Variants in RBMS1 observed in about 807,000 individuals in gnomAD.
RBMS1 encodes the protein RNA binding motif single stranded interacting protein 1, also known as RNA-binding motif, single-stranded-interacting protein 1.
Under a neutral mutation model 62.3 loss-of-function variants are expected in RBMS1, and 17 were observed. The observed-to-expected ratio is 0.27, with a 90% CI of 0.19 to 0.41. The LOEUF (loss-of-function observed/expected upper bound fraction) is 0.41, where lower values mean the gene tolerates loss of function less well. RBMS1 is among the 10% of genes least tolerant of loss of function. The pLI is 1.00. For missense variants in RBMS1, 334 were observed against 504.5 expected, an observed-to-expected ratio of 0.66 and a Z score of 3.24; for synonymous variants, 172 against 170.0, an observed-to-expected ratio of 1.01 and a Z score of -0.09.
chr2:160,369,899 T>C (rs72974965), intron 1 of RBMS1, among the ~76,000 whole-genome samples: 4,579 of 152,196 alleles, frequency 0.03, 128 homozygotes, highest in Middle Eastern at 0.065. Flanking sequence ...GACATGAAAG[T>C]AGTAGGTTTT....
intron 4 of RBMS1, among the ~76,000 whole-genome samples, chr2:160,312,275 A>AG (rs1442262493): frequency 6.6e-6 from 1 of 152,210 alleles, no homozygotes; most frequent in Admixed American, 6.5e-5. Context: ...TAATGCAAAG[A>AG]GAAGGACACA....
intron 2 of RBMS1, among the ~76,000 whole-genome samples, chr2:160,319,679 G>A (rs1690445048): frequency 6.6e-6 from 1 of 151,992 alleles, no homozygotes; most frequent in Non-Finnish European, 1.5e-5. Context: ...ATGATTTTGA[G>A]GACAAAAAGC....
chr2:160,350,700 T>A (rs1193300791), intron 2 of RBMS1, among the ~76,000 whole-genome samples: 3 of 152,172 alleles, frequency 2.0e-5, no homozygotes, highest in Non-Finnish European at 2.9e-5. Flanking sequence ...AGCAGACGGC[T>A]GCATAGTATT....
chr2:160,332,959 CAT>C (rs749639579), intron 2 of RBMS1, among the ~76,000 whole-genome samples: 34 of 151,648 alleles, frequency 2.2e-4, no homozygotes, highest in Non-Finnish European at 4.1e-4. Flanking sequence ...CACATACACT[CAT>C]ATGTGCATAT....
chr2:160,459,183 C>A (rs1217988969), intron 1 of RBMS1, among the ~76,000 whole-genome samples: 2 of 152,126 alleles, frequency 1.3e-5, no homozygotes, highest in African/African-American at 2.4e-5. Flanking sequence ...CATGTAAATT[C>A]ATGCTTTATT....
intron 1 of RBMS1, among the ~76,000 whole-genome samples, chr2:160,449,756 C>T (rs567011466): frequency 5.9e-5 from 9 of 152,194 alleles, no homozygotes; most frequent in African/African-American, 1.7e-4. Context: ...CTGCTGACCT[C>T]CCCTCCACTA....
intron 2 of RBMS1, among the ~76,000 whole-genome samples, chr2:160,345,768 A>G (rs1347759027): frequency 6.6e-6 from 1 of 152,152 alleles, no homozygotes; most frequent in African/African-American, 2.4e-5. Context: ...CTGATTGGCT[A>G]GAGTCTGTTT....
At chr2:160,393,638 G>A (rs1188463907) in intron 1 of RBMS1, among the ~76,000 whole-genome samples, 3 of 152,028 alleles carry the variant, frequency 2.0e-5, no homozygotes, top group African/African-American at 7.2e-5. Flanking sequence ...TTAGCCGGGT[G>A]TGGTGGCACA....
chr2:160,450,540 C>CAAAA (rs1355990593), intron 1 of RBMS1, among the ~76,000 whole-genome samples: 2 of 14,298 alleles, frequency 1.4e-4, no homozygotes, highest in Non-Finnish European at 3.3e-4. Flanking sequence ...AATTCCATCT[C>CAAAA]AAAAAAAATA....
chr2:160,337,650 A>T (rs1315880911), intron 2 of RBMS1, among the ~76,000 whole-genome samples: 2 of 152,098 alleles, frequency 1.3e-5, no homozygotes, highest in East Asian at 3.9e-4. Context: ...CTTCATTTTA[A>T]GAAAAAAACT....
intron 2 of RBMS1, among the ~76,000 whole-genome samples, chr2:160,325,177 CCA>C (rs1444438417): frequency 1.3e-5 from 2 of 151,918 alleles, no homozygotes; most frequent in Non-Finnish European, 2.9e-5. Flanking sequence ...AAAGTAATTC[CCA>C]GTTTGACTCT....
chr2:160,340,180 C>G (rs1171980649), intron 2 of RBMS1, among the ~76,000 whole-genome samples: 2 of 152,098 alleles, frequency 1.3e-5, no homozygotes, highest in Admixed American at 1.3e-4. Flanking sequence ...TTAAAACATA[C>G]TATTTCTTTG....
intron 1 of RBMS1, among the ~76,000 whole-genome samples, chr2:160,370,142 A>G (rs537235113): frequency 6.6e-6 from 1 of 152,228 alleles, no homozygotes; most frequent in Non-Finnish European, 1.5e-5. Flanking sequence ...AATGTACCCA[A>G]TGAGGACTAC....
At chr2:160,456,004 C>T (rs575803306) in intron 1 of RBMS1, among the ~76,000 whole-genome samples, 1 of 152,160 alleles carries the variant, frequency 6.6e-6, no homozygotes, top group South Asian at 2.1e-4. Flanking sequence ...TTTTTATGGG[C>T]AGTGATTTAT....
intron 12 of RBMS1, among the ~76,000 whole-genome samples, 168 bp downstream of exon 12, chr2:160,277,135 C>T (rs913700964): frequency 2.6e-5 from 4 of 152,218 alleles, no homozygotes; most frequent in Admixed American, 1.3e-4. Context: ...ATCCTCCCTC[C>T]TCAGCCTTCC....
intron 1 of RBMS1, among the ~76,000 whole-genome samples, chr2:160,429,271 G>A (rs1288947922): frequency 6.6e-6 from 1 of 151,994 alleles, no homozygotes; most frequent in African/African-American, 2.4e-5. Flanking sequence ...TTCTTGGAAA[G>A]GTTAACATTT....
chr2:160,283,508 G>A (rs1290442762), intron 9 of RBMS1: 1 of 152,206 alleles, frequency 6.6e-6, no homozygotes, highest in East Asian at 1.9e-4. Flanking sequence ...ACAACTCAGG[G>A]AAAGGAGGCT....
chr2:160,398,494 C>A (rs1414394015), intron 1 of RBMS1, among the ~76,000 whole-genome samples: 1 of 152,154 alleles, frequency 6.6e-6, no homozygotes, highest in Non-Finnish European at 1.5e-5. Context: ...TCTCCCCAAC[C>A]AAAATAACTT....
intron 1 of RBMS1, among the ~76,000 whole-genome samples, chr2:160,450,563 T>TG (rs1683929338): frequency 8.2e-6 from 1 of 122,392 alleles, no homozygotes; most frequent in Non-Finnish European, 1.6e-5. Context: ...AAATAAAAAA[T>TG]GAAAAAAAAA....
Sources: allele counts gnomAD v4.1 joint callset (sites outside exome capture counted in the v4.1 genomes callset), GRCh38; gene constraint gnomAD v4.1.1; transcripts MANE v1.5; gene names NCBI Gene and HGNC (gene_info 2026-07-23, HGNC 2026-07-21).